MYOF: variants seen among roughly 807,000 people sequenced by gnomAD.
MYOF encodes the protein myoferlin.
Under a neutral mutation model 284.2 loss-of-function variants are expected in MYOF, and 244 were observed. The observed-to-expected ratio is 0.86, with a 90% CI of 0.77 to 0.95. The LOEUF (loss-of-function observed/expected upper bound fraction) is 0.95. MYOF is among the 40% of genes least tolerant of loss of function. The probability of loss-of-function intolerance (pLI) is 0.00; values close to 1 mark genes in which losing one functional copy is unlikely to be tolerated. For missense variants in MYOF, 2,496 were observed against 2,560.6 expected (o/e 0.97, Z 0.54); for synonymous variants, 904 against 919.7 (o/e 0.98, Z 0.31).
At chr10:93,376,849 G>A (rs1381301196) in intron 22 of MYOF, among the ~76,000 whole-genome samples, 1 of 152,156 alleles carries the variant, frequency 6.6e-6, no homozygotes, top group Admixed American at 6.5e-5. Flanking sequence ...GTGTTCATCA[G>A]GCATTCAGTA....
chr10:93,396,987 TC>T (rs1233337775), intron 15 of MYOF, among the ~76,000 whole-genome samples: 1 of 152,208 alleles, frequency 6.6e-6, no homozygotes. Context: ...GATAATTAAA[TC>T]CCTGATTTCT....
At chr10:93,374,976 A>G in intron 22 of MYOF, 21 bp from the exon 23 acceptor site, 1 of 1,600,892 alleles carries the variant, frequency 6.2e-7, no homozygotes, top group South Asian at 1.1e-5. Flanking sequence ...GAAGAAAAAA[A>G]GAAACAGAGG....
At chr10:93,433,991 A>G (rs139063063) in intron 3 of MYOF, among the ~76,000 whole-genome samples, 2 of 152,330 alleles carry the variant, frequency 1.3e-5, no homozygotes, top group East Asian at 3.9e-4. Context: ...GGAAATTGCT[A>G]TAGCACCCTG....
chr10:93,444,169 G>A (rs754725178), intron 3 of MYOF, among the ~76,000 whole-genome samples: 5 of 152,212 alleles, frequency 3.3e-5, no homozygotes, highest in Non-Finnish European at 7.3e-5. Context: ...CATTACCAGT[G>A]AGCTGACAGG....
chr10:93,352,143 G>C (rs1844554499), intron 32 of MYOF, among the ~76,000 whole-genome samples: 1 of 152,198 alleles, frequency 6.6e-6, no homozygotes, highest in South Asian at 2.1e-4. Context: ...TCATGGTTGA[G>C]TGAGGCTCTG....
intron 50 of MYOF, among the ~76,000 whole-genome samples, chr10:93,314,444 G>A (rs1250558022): frequency 1.3e-5 from 2 of 152,148 alleles, no homozygotes; most frequent in Non-Finnish European, 2.9e-5. Context: ...TTTGGGCTTG[G>A]GAACTCCTGT....
chr10:93,385,197 C>G (rs746322766), intron 19 of MYOF, among the ~76,000 whole-genome samples: 3 of 152,088 alleles, frequency 2.0e-5, no homozygotes, highest in Non-Finnish European at 4.4e-5. Flanking sequence ...AAAATGGAGT[C>G]CTTTAGTGGC....
chr10:93,337,786 T>C (rs771488995), intron 40 of MYOF, 29 bp downstream of exon 40: 2 of 1,581,172 alleles, frequency 1.3e-6, no homozygotes, highest in Non-Finnish European at 1.7e-6. Flanking sequence ...ATGTTGATTC[T>C]CCACCCATAG....
intron 1 of MYOF, among the ~76,000 whole-genome samples, chr10:93,477,684 TA>T (rs1255122088): frequency 6.6e-6 from 1 of 151,120 alleles, no homozygotes; most frequent in East Asian, 2.0e-4. Context: ...CTGTCTCTAC[TA>T]AAAATACAAA....
intron 35 of MYOF, 75 bp downstream of exon 35, chr10:93,351,122 T>A: frequency 6.9e-7 from 1 of 1,456,446 alleles, no homozygotes; most frequent in South Asian, 1.2e-5. Context: ...CAGGATTCTA[T>A]GTTCTATACA....
chr10:93,399,676 A>T (rs1847183726), intron 12 of MYOF, among the ~76,000 whole-genome samples, 181 bp from the exon 13 acceptor site: 1 of 152,226 alleles, frequency 6.6e-6, no homozygotes, highest in Non-Finnish European at 1.5e-5. Flanking sequence ...GAGCAAGGCC[A>T]TCCTGGTCAA....
chr10:93,360,722 T>C (rs1435975311), intron 28 of MYOF, among the ~76,000 whole-genome samples: 1 of 152,254 alleles, frequency 6.6e-6, no homozygotes, highest in Non-Finnish European at 1.5e-5. Context: ...ATCAGTAGTC[T>C]GCATCATTGC....
Position 93,373,056 on chromosome 10 carries a change from G to C in MYOF, c.2331C>G (p.Ile777Met). Reference sequence around the variant, plus strand: ...GTCTCTTCTCTCCCCGGATCATCCAGATGATGATGTCAGGCATGCTGTTCT... The same window carrying C: ...GTCTCTTCTCTCCCCGGATCATCCACATGATGATGTCAGGCATGCTGTTCT... ...EPQNSMPDII[I>M]WMIRGEKRLA... The change falls in exon 24 of 54, where the codon ATC becomes ATG. Residue 777 changes from isoleucine (I) to methionine (M), a missense_variant. Around this residue, in one of 3 missense-constraint regions of MYOF, gnomAD observed 2,436 missense variants for 2,480.7 expected, o/e 0.98. Coordinates refer to ENST00000359263, the MANE Select transcript of MYOF (RefSeq NM_013451.4). 3 of 1,614,190 alleles carry C rather than the reference G, an allele frequency of 1.9e-6. No individual in the cohort carries two copies. The East Asian group carries it at 6.7e-5, about 36-fold the overall frequency.
chr10:93,447,116 C>G (rs788101), intron 3 of MYOF, among the ~76,000 whole-genome samples: 59,699 of 152,038 alleles, frequency 0.39, 13,323 homozygotes, highest in Non-Finnish European at 0.5. Context: ...CCTCTTAGAA[C>G]AGGACCTATC....
intron 5 of MYOF, among the ~76,000 whole-genome samples, chr10:93,419,224 G>A (rs943977058): frequency 2.6e-5 from 4 of 151,618 alleles, no homozygotes; most frequent in Non-Finnish European, 4.4e-5. Context: ...GTGCCATGGC[G>A]CAATCTCGGC....
chr10:93,307,786 T>C (rs1166602264), intron 53 of MYOF, among the ~76,000 whole-genome samples: 1 of 150,698 alleles, frequency 6.6e-6, no homozygotes, highest in African/African-American at 2.4e-5. Context: ...CAACACGCTC[T>C]GCTAATTTTT....
intron 16 of MYOF, among the ~76,000 whole-genome samples, chr10:93,394,500 G>T (rs563295315): frequency 2.0e-3 from 206 of 104,048 alleles, no homozygotes; most frequent in Middle Eastern, 0.024. Flanking sequence ...TTGCTCTGTC[G>T]CCCAGGCTGG....
At chr10:93,307,817 G>T (rs1367551376) in intron 53 of MYOF, among the ~76,000 whole-genome samples, 2 of 149,830 alleles carry the variant, frequency 1.3e-5, no homozygotes, top group Non-Finnish European at 3.0e-5. Context: ...TAGAGACAGG[G>T]TTTCACCATG....
intron 7 of MYOF, among the ~76,000 whole-genome samples, chr10:93,406,481 G>A (rs1467897896): frequency 1.3e-5 from 2 of 150,836 alleles, no homozygotes; most frequent in African/African-American, 2.4e-5. Context: ...TGGGAATGCA[G>A]CTGAGTCAAC....
Sources: gnomAD v4.1 joint callset for allele counts (sites outside exome capture counted in the v4.1 genomes callset) on GRCh38, gnomAD v4.1.1 for gene constraint, gnomAD v4.1.1 regional missense constraint, MANE v1.5 for transcripts, NCBI Gene and HGNC (gene_info 2026-07-23, HGNC 2026-07-21) for gene names.